Variants in MVB12B observed in about 807,000 individuals in gnomAD.
The protein encoded by MVB12B is multivesicular body subunit 12B.
Under a neutral mutation model 41.6 loss-of-function variants are expected in MVB12B, and 16 were observed. The ratio of observed to expected loss-of-function variants is 0.38; its 90% CI spans 0.26 to 0.58. The LOEUF (loss-of-function observed/expected upper bound fraction) is 0.58, where lower values mean the gene tolerates loss of function less well. Among genes scored for constraint, MVB12B ranks in the 20% least tolerant of loss-of-function variants. The pLI is 0.62. For synonymous variants in MVB12B, 133 were observed against 139.7 expected, an observed-to-expected ratio of 0.95 and a Z score of 0.34; for missense variants, 274 against 380.2, an observed-to-expected ratio of 0.72 and a Z score of 2.32.
intron 6 of MVB12B, chr9:126,396,716 G>T: frequency 1.0e-6 from 1 of 985,254 alleles, no homozygotes; most frequent in Non-Finnish European, 1.2e-6. Context: ...AAGACAATCT[G>T]GTCCTTCTCA....
At chr9:126,493,295 C>T (rs942352388) in intron 9 of MVB12B, among the ~76,000 whole-genome samples, 14 of 152,158 alleles carry the variant, frequency 9.2e-5, no homozygotes, top group South Asian at 6.2e-4. Context: ...AAACATTAGC[C>T]GGTTTTCTTA....
chr9:126,463,152 T>C (rs1419446597), intron 7 of MVB12B, among the ~76,000 whole-genome samples: 1 of 152,180 alleles, frequency 6.6e-6, no homozygotes, highest in African/African-American at 2.4e-5. Flanking sequence ...GAGAAGCCCT[T>C]TCCCAGGGAA....
In MVB12B at chr9:126,386,722, G is replaced by C; in HGVS notation, c.409+64G>C. Reference sequence around the variant, plus strand: ...TTTCTTCCTCCAGGTATATTTGTAGGTGTTTTTCTATGTGCATTTTTCTTC... The same window carrying C: ...TTTCTTCCTCCAGGTATATTTGTAGCTGTTTTTCTATGTGCATTTTTCTTC... On this transcript the variant is annotated intron_variant, in intron 4 of 9. Coordinates refer to ENST00000361171, the MANE Select transcript of MVB12B (RefSeq NM_033446.3). The surrounding 1 kb of genome is among the most constrained non-coding windows in gnomAD (Gnocchi z 4.3). 1 of 1,260,232 alleles carries C rather than the reference G, an allele frequency of 7.9e-7. No individual in the cohort carries two copies. Among genetic ancestry groups the C allele is most frequent in the African/African-American group, 1.5e-5 (1 of 67,844 alleles). 78.1% of individuals were successfully genotyped at this position (1,260,232 alleles called of 1,614,324 possible). A position where few individuals can be genotyped will look rare whatever the true frequency, so the allele number is the denominator to read the frequency against.
At chr9:126,387,444 C>T (rs1830829696) in intron 4 of MVB12B, among the ~76,000 whole-genome samples, 1 of 152,120 alleles carries the variant, frequency 6.6e-6, no homozygotes, top group Non-Finnish European at 1.5e-5. Flanking sequence ...GTCTCATTTT[C>T]TGTCTCATAC....
At chr9:126,456,222 A>G (rs188505375) in intron 7 of MVB12B, among the ~76,000 whole-genome samples, 2 of 152,212 alleles carry the variant, frequency 1.3e-5, no homozygotes, top group African/African-American at 4.8e-5. Flanking sequence ...TCTTCCCAAT[A>G]CAGTAATTAG....
chr9:126,331,372 T>A (rs1157676717), intron 1 of MVB12B, among the ~76,000 whole-genome samples: 1 of 152,254 alleles, frequency 6.6e-6, no homozygotes, highest in African/African-American at 2.4e-5. Context: ...GCAAGTGATG[T>A]TGAGCATCTT....
intron 9 of MVB12B, among the ~76,000 whole-genome samples, chr9:126,502,533 A>G (rs1282756472): frequency 1.3e-5 from 2 of 149,852 alleles, no homozygotes; most frequent in Non-Finnish European, 2.9e-5. Flanking sequence ...GCCGTGGAGG[A>G]AGGTCCCCCC....
At chr9:126,399,234 C>T (rs1831201652) in intron 6 of MVB12B, among the ~76,000 whole-genome samples, 1 of 152,184 alleles carries the variant, frequency 6.6e-6, no homozygotes, top group African/African-American at 2.4e-5. Context: ...ATACAGACAT[C>T]GCCACACACA....
intron 2 of MVB12B, among the ~76,000 whole-genome samples, chr9:126,347,130 G>T (rs933020223): frequency 6.6e-6 from 1 of 152,246 alleles, no homozygotes; most frequent in Non-Finnish European, 1.5e-5. Context: ...AAGAAAGGGA[G>T]GGGTGTAGAT....
At chr9:126,452,826 C>T (rs534181820) in intron 7 of MVB12B, among the ~76,000 whole-genome samples, 27 of 152,018 alleles carry the variant, frequency 1.8e-4, no homozygotes, top group Admixed American at 5.9e-4. Context: ...TAACTGATGC[C>T]AGAAAGAAAA....
chr9:126,387,272 G>A (rs1205510661), intron 4 of MVB12B, among the ~76,000 whole-genome samples: 2 of 152,130 alleles, frequency 1.3e-5, no homozygotes, highest in African/African-American at 4.8e-5. Context: ...GAAAACCTCT[G>A]GTGATTCGGC....
At chr9:126,465,243 G>T (rs1280114305) in intron 7 of MVB12B, among the ~76,000 whole-genome samples, 4 of 152,218 alleles carry the variant, frequency 2.6e-5, no homozygotes. Context: ...CTCAGCATTT[G>T]TGAGAATGAA....
At chr9:126,398,229 C>T (rs1425967655) in intron 6 of MVB12B, among the ~76,000 whole-genome samples, 7 of 151,604 alleles carry the variant, frequency 4.6e-5, no homozygotes, top group Non-Finnish European at 8.8e-5. Context: ...CATCTCGAGC[C>T]CGTGTGGTGG....
intron 9 of MVB12B, among the ~76,000 whole-genome samples, chr9:126,490,534 T>C (rs1435581840): frequency 2.0e-5 from 3 of 152,114 alleles, no homozygotes; most frequent in African/African-American, 7.2e-5. Flanking sequence ...CTTCCAGGAG[T>C]GCCACCATCA....
intron 9 of MVB12B, among the ~76,000 whole-genome samples, chr9:126,500,329 C>G (rs1203633643): frequency 6.6e-6 from 1 of 152,210 alleles, no homozygotes; most frequent in Non-Finnish European, 1.5e-5. Context: ...CAGGCATCTC[C>G]CTGGCATGGC....
At chr9:126,336,852 C>G (rs1390791966) in intron 1 of MVB12B, among the ~76,000 whole-genome samples, 2 of 152,196 alleles carry the variant, frequency 1.3e-5, no homozygotes, top group African/African-American at 4.8e-5. Context: ...CTGCAGCCCC[C>G]AGCCTTGGAA....
chr9:126,353,701 C>A (rs145473578), intron 2 of MVB12B, among the ~76,000 whole-genome samples: 61 of 152,304 alleles, frequency 4.0e-4, no homozygotes, highest in Middle Eastern at 3.4e-3. Flanking sequence ...GAAGTCTCTC[C>A]ATGTCATGAC....
Position 126,494,374 on chromosome 9 carries a change from C to T in MVB12B, c.874-8803C>T, listed in dbSNP as rs76800982. Among the ~76,000 whole-genome samples, 940 of 152,226 alleles carry T rather than the reference C, an allele frequency of 6.2e-3. 6 individuals are homozygous for T. The highest frequency in any genetic ancestry group is 0.014 in the Middle Eastern group (4 of 294). On this transcript the variant is annotated intron_variant, in intron 9 of 9. Transcript: ENST00000361171. The stretch of plus-strand genomic sequence containing the variant: ...CACACATCTTGTTCCCGTGGTGGCC[C>T]AAGGCATTCATCATATGAATAAGAG...
Position 126,473,477 on chromosome 9 carries a change from G to T in MVB12B, c.758-7892G>T, listed in dbSNP as rs1412704606. Among the ~76,000 whole-genome samples the T allele has an allele frequency of 6.6e-6, 1 of 152,216 alleles. No individual in the cohort carries two copies. The highest frequency in any genetic ancestry group is 1.9e-4 in the East Asian group (1 of 5,204). Reference sequence around the variant, plus strand: ...GTTTAATTGACTCATGGTTCTGCAGGCTGTACAGGAAGCATGGCAGCATCT... The same window carrying T: ...GTTTAATTGACTCATGGTTCTGCAGTCTGTACAGGAAGCATGGCAGCATCT... On this transcript the variant is annotated intron_variant, in intron 7 of 9. Coordinates refer to ENST00000361171, the MANE Select transcript of MVB12B (RefSeq NM_033446.3). This position sits in a 1 kb window ranked among gnomAD's most constrained non-coding sequence, Gnocchi z 4.0.
Sources: allele counts gnomAD v4.1 joint callset (sites outside exome capture counted in the v4.1 genomes callset), GRCh38; gene constraint gnomAD v4.1.1; non-coding constraint Gnocchi (gnomAD v3.1); transcripts MANE v1.5; gene names NCBI Gene and HGNC (gene_info 2026-07-23, HGNC 2026-07-21).